Variants in PDCD6IP observed in about 807,000 individuals in gnomAD.
PDCD6IP encodes programmed cell death 6-interacting protein.
In PDCD6IP, 43 loss-of-function variants were observed where a neutral mutation model predicts 103.7. The ratio of observed to expected loss-of-function variants is 0.41; its 90% CI spans 0.32 to 0.53. PDCD6IP has a LOEUF of 0.53. PDCD6IP is among the 20% of genes least tolerant of loss of function. The probability of loss-of-function intolerance (pLI) is 0.16; values close to 1 mark genes in which losing one functional copy is unlikely to be tolerated. For synonymous variants in PDCD6IP, 354 were observed against 378.7 expected (o/e 0.93, Z 0.76); for missense variants, 871 against 1,036.7 (o/e 0.84, Z 2.20).
intron 1 of PDCD6IP, among the ~76,000 whole-genome samples, chr3:33,805,935 C>T (rs1372073506): frequency 6.6e-6 from 1 of 151,748 alleles, no homozygotes; most frequent in African/African-American, 2.4e-5. Context: ...TTAGTAGAGA[C>T]GGGGTTTCAC....
At chr3:33,840,150 C>A (rs571626579) in intron 9 of PDCD6IP, among the ~76,000 whole-genome samples, 1 of 135,976 alleles carries the variant, frequency 7.4e-6, no homozygotes, top group African/African-American at 2.7e-5. Flanking sequence ...TACCGATAAA[C>A]AGTCAATTAA....
At chr3:33,834,770 T>C (rs1288577529) in intron 7 of PDCD6IP, among the ~76,000 whole-genome samples, 1 of 152,238 alleles carries the variant, frequency 6.6e-6, no homozygotes, top group African/African-American at 2.4e-5. Context: ...TCTCTTCATC[T>C]GGTCATTTTA....
chr3:33,845,979 G>A (rs1362919119), intron 12 of PDCD6IP, among the ~76,000 whole-genome samples: 4 of 152,112 alleles, frequency 2.6e-5, no homozygotes, highest in East Asian at 1.9e-4. Flanking sequence ...TTGTTTCACC[G>A]GAACTACCTT....
chr3:33,822,545 G>A (rs1697016381), intron 4 of PDCD6IP, among the ~76,000 whole-genome samples: 1 of 152,132 alleles, frequency 6.6e-6, no homozygotes, highest in African/African-American at 2.4e-5. Context: ...CTTGTGGAGA[G>A]GTCATATTTA....
At position 33,856,099 on chromosome 3, in the gene PDCD6IP, G is replaced by C. The variant is rs372584920; in HGVS notation, c.2120+839G>C. Among the ~76,000 whole-genome samples, 9 of 152,270 alleles carry C rather than the reference G, an allele frequency of 5.9e-5. No individual in the cohort carries two copies. The East Asian group carries it at 1.5e-3, about 26-fold the overall frequency. ...CTCTATTGTGAACTGCCCGTGTAAG[G>C]GATCTAGGTTGTGCATTCCTTATGA... On this transcript the variant is annotated intron_variant, in intron 15 of 17. Transcript: ENST00000307296.
intron 7 of PDCD6IP, among the ~76,000 whole-genome samples, chr3:33,831,295 G>C (rs12631066): frequency 0.26 from 39,925 of 151,704 alleles, 5,546 homozygotes; most frequent in East Asian, 0.39. Flanking sequence ...ACATGTCAAA[G>C]ATTTATTTGA....
intron 15 of PDCD6IP, among the ~76,000 whole-genome samples, chr3:33,856,329 G>T (rs955892324): frequency 6.6e-6 from 1 of 152,192 alleles, no homozygotes; most frequent in African/African-American, 2.4e-5. Context: ...GATGTGAGGT[G>T]TCAGAATTCA....
intron 1 of PDCD6IP, among the ~76,000 whole-genome samples, chr3:33,805,074 C>T (rs138435341): frequency 7.6e-4 from 115 of 152,130 alleles, no homozygotes; most frequent in African/African-American, 2.7e-3. Context: ...AATTCTTTTC[C>T]GGCCGGGTGT....
intron 15 of PDCD6IP, among the ~76,000 whole-genome samples, chr3:33,861,516 C>G (rs1402639392): frequency 6.6e-6 from 1 of 152,082 alleles, no homozygotes; most frequent in Non-Finnish European, 1.5e-5. Flanking sequence ...TCATGTGTGG[C>G]TAATGGTTAC....
intron 15 of PDCD6IP, among the ~76,000 whole-genome samples, chr3:33,862,562 G>A (rs940866950): frequency 6.6e-6 from 1 of 152,136 alleles, no homozygotes; most frequent in Admixed American, 6.5e-5. Context: ...ATACTAAATT[G>A]TAATAGTATT....
chr3:33,822,695 G>T (rs1371802736), intron 4 of PDCD6IP, among the ~76,000 whole-genome samples: 1 of 152,056 alleles, frequency 6.6e-6, no homozygotes, highest in African/African-American at 2.4e-5. Context: ...TTGTTCTGTT[G>T]CCCAGGCTGG....
At chr3:33,838,754 A>ATGTGTG (rs371718093) in intron 9 of PDCD6IP, among the ~76,000 whole-genome samples, 3 of 149,938 alleles carry the variant, frequency 2.0e-5, no homozygotes, top group South Asian at 4.2e-4. Context: ...TTATATGTAT[A>ATGTGTG]TGTGTGTGTG....
At chr3:33,812,193 ACT>A in intron 2 of PDCD6IP, 67 bp downstream of exon 2, 1 of 1,546,280 alleles carries the variant, frequency 6.5e-7, no homozygotes, top group Non-Finnish European at 8.7e-7. Context: ...CAATATCTTC[ACT>A]GTCTTTAGAG....
At chr3:33,865,122 G>A (rs1698033825) in intron 16 of PDCD6IP, 121 bp from the exon 17 acceptor site, 3 of 620,644 alleles carry the variant, frequency 4.8e-6, no homozygotes, top group African/African-American at 2.0e-5. Flanking sequence ...TTTAAGAATG[G>A]GAATTAAAAA....
chr3:33,814,848 ATT>A (rs1460884142), intron 3 of PDCD6IP, among the ~76,000 whole-genome samples: 3 of 143,422 alleles, frequency 2.1e-5, no homozygotes, highest in Non-Finnish European at 3.0e-5. Flanking sequence ...TGCATGTATT[ATT>A]CATATACATA....
intron 15 of PDCD6IP, among the ~76,000 whole-genome samples, chr3:33,856,438 G>C (rs1697830784): frequency 6.6e-6 from 1 of 150,964 alleles, no homozygotes; most frequent in South Asian, 2.1e-4. Flanking sequence ...GTAGAAATGA[G>C]GAAATTAAAA....
intron 3 of PDCD6IP, among the ~76,000 whole-genome samples, chr3:33,814,889 C>A (rs1191793530): frequency 6.9e-6 from 1 of 144,202 alleles, no homozygotes; most frequent in Non-Finnish European, 1.5e-5. Context: ...CATATATATT[C>A]ATGTACACAT....
chr3:33,804,574 A>G (rs1477713232), intron 1 of PDCD6IP, among the ~76,000 whole-genome samples: 1 of 152,212 alleles, frequency 6.6e-6, no homozygotes, highest in South Asian at 2.1e-4. Context: ...AACATATGGG[A>G]AGATTTAAAA....
chr3:33,817,830 G>C (rs908343603), intron 3 of PDCD6IP, among the ~76,000 whole-genome samples: 1 of 151,480 alleles, frequency 6.6e-6, no homozygotes, highest in Non-Finnish European at 1.5e-5. Flanking sequence ...TACTTAGAAA[G>C]GCATCTTTGA....
Sources: allele counts gnomAD v4.1 joint callset (sites outside exome capture counted in the v4.1 genomes callset), GRCh38; gene constraint gnomAD v4.1.1; transcripts MANE v1.5; gene names NCBI Gene and HGNC (gene_info 2026-07-23, HGNC 2026-07-21).